PAGE2B: variants seen among roughly 807,000 people sequenced by gnomAD.
The protein encoded by PAGE2B is putative G antigen family E member 3.
In PAGE2B, 5 loss-of-function variants were observed where a neutral mutation model predicts 7.6. The ratio of observed to expected loss-of-function variants is 0.66; its 90% CI spans 0.34 to 1.38. The LOEUF (loss-of-function observed/expected upper bound fraction) is 1.38. Among genes scored for constraint, PAGE2B ranks in the 40% most tolerant of loss-of-function variants. PAGE2B has a pLI of 0.04. For synonymous variants in PAGE2B, 29 were observed against 26.7 expected (o/e 1.09, Z -0.27); for missense variants, 70 against 78.4 (o/e 0.89, Z 0.41).
chrX:55,076,105 C>T lies in PAGE2B; in HGVS notation c.64C>T (p.Gln22Ter), dbSNP rs1328868410. Residue 22 changes from glutamine (Q) to a stop codon, truncating the protein, a stop_gained, in exon 2 of 5, where the codon CAG (glutamine) becomes TAG (stop). Coordinates refer to ENST00000374971, the MANE Select transcript of PAGE2B (RefSeq NM_001015038.3). LOFTEE classifies it high-confidence loss of function. The part of the protein sequence containing the change: ...SERGNDQESS[Q>*]PVGSVIVQEP... ...AAGAGGAAATGACCAAGAGTCTTCCCAGCCAGTTGGATCTGTGATTGTGAG... is the reference window on the plus strand; with the variant it reads ...AAGAGGAAATGACCAAGAGTCTTCCTAGCCAGTTGGATCTGTGATTGTGAG... The T allele has an allele frequency of 8.3e-7, 1 of 1,207,762 alleles. No homozygotes were observed. The highest frequency in any genetic ancestry group is 2.2e-5 in the Admixed American group (1 of 45,886).
At chrX:55,049,274 T>G in the PAGE2B span, among the ~76,000 whole-genome samples, 3 of 111,783 alleles carry the variant, frequency 2.7e-5, no homozygotes, top group East Asian at 2.8e-4. Flanking sequence ...TCTCTTTTTT[T>G]GTTGTGTCTC....
chrX:55,071,144 T>A (rs780525602), upstream of PAGE2B, among the ~76,000 whole-genome samples: 1 of 111,806 alleles, frequency 8.9e-6, no homozygotes, highest in East Asian at 2.8e-4. Flanking sequence ...GTCTTTACGA[T>A]TAGTTTTTTT....
chrX:55,053,649 A>G, the PAGE2B span, among the ~76,000 whole-genome samples: 4 of 112,116 alleles, frequency 3.6e-5, no homozygotes, highest in African/African-American at 1.3e-4. Flanking sequence ...ATACAGAGGA[A>G]ATAACAACAT....
chrX:55,076,032 A>T lies in PAGE2B; in HGVS notation c.-8-2A>T. On this transcript the variant is annotated splice_acceptor_variant, in intron 1 of 4. Coordinates refer to ENST00000374971, the MANE Select transcript of PAGE2B (RefSeq NM_001015038.3). LOFTEE classifies it low-confidence loss of function (5UTR_SPLICE). ...TTCCAAATAACAGTATTCTATTTTC[A>T]GTGGGAAATATGAGTGAGCATGTGA... The T allele has an allele frequency of 8.3e-7, 1 of 1,201,509 alleles. No homozygotes were observed. The highest frequency in any genetic ancestry group is 1.1e-6 in the Non-Finnish European group (1 of 887,913).
the PAGE2B span, among the ~76,000 whole-genome samples, chrX:55,057,807 A>G: frequency 3.6e-5 from 4 of 111,817 alleles, no homozygotes; most frequent in Non-Finnish European, 5.6e-5. Context: ...CGAAAATGCA[A>G]TTAGAATACA....
At chrX:55,033,263 C>A in the PAGE2B span, among the ~76,000 whole-genome samples, 1 of 111,550 alleles carries the variant, frequency 9.0e-6, no homozygotes, top group Non-Finnish European at 1.9e-5. Flanking sequence ...TCTGAGGTGA[C>A]GTAGAGAAAA....
At chrX:55,042,963 T>C in the PAGE2B span, among the ~76,000 whole-genome samples, 2 of 111,003 alleles carry the variant, frequency 1.8e-5, no homozygotes, top group African/African-American at 3.3e-5. Context: ...AAGGCCATGG[T>C]CATCAAAACA....
chrX:55,053,763 C>G, the PAGE2B span, among the ~76,000 whole-genome samples: 10 of 111,815 alleles, frequency 8.9e-5, no homozygotes, highest in Admixed American at 2.9e-4. Context: ...TCTGCAAAAA[C>G]AATACATCTA....
At chrX:55,048,678 T>C in the PAGE2B span, among the ~76,000 whole-genome samples, 1 of 112,100 alleles carries the variant, frequency 8.9e-6, no homozygotes, top group African/African-American at 3.2e-5. Flanking sequence ...TTTGCTGAAG[T>C]TGCCTATCAG....
At chrX:55,049,563 G>A in the PAGE2B span, among the ~76,000 whole-genome samples, 146 of 111,185 alleles carry the variant, frequency 1.3e-3, 2 homozygotes, top group Non-Finnish European at 2.2e-3. Flanking sequence ...GAATTTATCC[G>A]TTTCTTCTAG....
chrX:55,047,992 A>G, the PAGE2B span, among the ~76,000 whole-genome samples: 1 of 111,736 alleles, frequency 8.9e-6, no homozygotes, highest in Non-Finnish European at 1.9e-5. Context: ...TAATTTTTGT[A>G]TAAGGTGTAA....
At chrX:55,068,834 CTGTT>C in the PAGE2B span, among the ~76,000 whole-genome samples, 1 of 111,370 alleles carries the variant, frequency 9.0e-6, no homozygotes, top group African/African-American at 3.3e-5. Context: ...ATTTGGCTCT[CTGTT>C]TGTCTGTTAT....
chrX:55,043,673 C>A, the PAGE2B span, among the ~76,000 whole-genome samples: 2 of 111,062 alleles, frequency 1.8e-5, no homozygotes, highest in East Asian at 2.8e-4. Context: ...TTTTAAAAAT[C>A]AAAAAATAAT....
chrX:55,075,448 C>T (rs1407548625), intron 1 of PAGE2B, among the ~76,000 whole-genome samples: 12 of 110,709 alleles, frequency 1.1e-4, no homozygotes, highest in Non-Finnish European at 1.9e-4. Flanking sequence ...TCGGTAGGGA[C>T]GCGGGAAGAG....
chrX:55,058,978 C>A, the PAGE2B span, among the ~76,000 whole-genome samples: 13 of 110,705 alleles, frequency 1.2e-4, no homozygotes, highest in Non-Finnish European at 2.1e-4. Context: ...ATTGAGCACT[C>A]ATTTCTCCAT....
At chrX:55,075,025 C>CG (rs1394566044), upstream of PAGE2B, 1 of 114,831 alleles carries the variant, frequency 8.7e-6, no homozygotes, top group African/African-American at 3.2e-5. Flanking sequence ...CGCCTTGCTG[C>CG]CCGCCTTCTG....
chrX:55,034,440 A>G, the PAGE2B span, among the ~76,000 whole-genome samples: 1 of 111,346 alleles, frequency 9.0e-6, no homozygotes, highest in African/African-American at 3.3e-5. Context: ...TTCCCATATC[A>G]ATTTTAGTAA....
chrX:55,077,354 G>A, intron 3 of PAGE2B, 45 bp from the exon 4 acceptor site: 1 of 1,204,203 alleles, frequency 8.3e-7, no homozygotes, highest in Non-Finnish European at 1.1e-6. Flanking sequence ...CTTGTTCATA[G>A]TTCATGTTTT....
chrX:55,070,780 T>C (rs185468986), upstream of PAGE2B, among the ~76,000 whole-genome samples: 1,049 of 112,125 alleles, frequency 9.4e-3, 15 homozygotes, highest in African/African-American at 0.032. Context: ...CCCTTTACCA[T>C]TATGTAATGC....
Sources: allele counts gnomAD v4.1 joint callset (sites outside exome capture counted in the v4.1 genomes callset), GRCh38; gene constraint gnomAD v4.1.1; transcripts MANE v1.5; gene names NCBI Gene and HGNC (gene_info 2026-07-23, HGNC 2026-07-21).